Variants in RTRAF observed in about 807,000 individuals in gnomAD.
The protein encoded by RTRAF is RNA transcription, translation and transport factor.
RTRAF carries 14 observed loss-of-function variants against 34.4 expected under a neutral mutation model. The ratio of observed to expected loss-of-function variants is 0.41; its 90% CI spans 0.27 to 0.64. The LOEUF is 0.64. RTRAF is among the 30% of genes least tolerant of loss of function. The pLI is 0.34. For missense variants in RTRAF, 291 were observed against 288.4 expected, an observed-to-expected ratio of 1.01 and a Z score of -0.06; for synonymous variants, 96 against 95.3, an observed-to-expected ratio of 1.01 and a Z score of -0.04.
At position 52,006,672 on chromosome 14, in the gene RTRAF, AAG is replaced by A; in HGVS notation, c.*2157_*2158del. On this transcript the variant is annotated 3_prime_UTR_variant, in exon 8 of 8. Transcript: ENST00000261700. ...CAGTTTTTTGGTTCCTTTTAAAACAAAGGGGGAAAATGAGGTCCTTCAGCTGC... is the reference window on the plus strand; with the variant it reads ...CAGTTTTTTGGTTCCTTTTAAAACAAGGGGAAAATGAGGTCCTTCAGCTGC... 2 of 1,613,050 alleles carry A rather than the reference AAG, an allele frequency of 1.2e-6. No homozygotes were observed. Among genetic ancestry groups the A allele is most frequent in the African/African-American group, 1.3e-5 (1 of 75,012 alleles).
rs1296960931 is a variant in RTRAF at position 52,010,626 on chromosome 14, A to G, written c.*6110A>G. The G allele has an allele frequency of 5.3e-6, 2 of 377,312 alleles. No individual in the cohort carries two copies. The highest frequency in any genetic ancestry group is 8.6e-5 in the East Asian group (2 of 23,356). 23.4% of individuals were successfully genotyped at this position (377,312 alleles called of 1,614,324 possible). A position where few individuals can be genotyped will look rare whatever the true frequency, so the allele number is the denominator to read the frequency against. ...ACACTATCTGAATTTTCTACATATC[A>G]CATCACAGACTAATATTGTTTATAC... On this transcript the variant is annotated 3_prime_UTR_variant, in exon 8 of 8. Coordinates refer to ENST00000261700, the MANE Select transcript of RTRAF (RefSeq NM_016039.3).
rs1890606016 is a variant in RTRAF at position 52,001,848 on chromosome 14, G to A, written c.513G>A (p.Lys171=). ...QERLTQDAVA[K]ANQTKEGLPV... is the part of the protein sequence containing the mutation. The stretch of plus-strand genomic sequence containing the variant: ...GCCTGACACAGGATGCAGTTGCTAA[G>A]GCAAATCAAACAAAAGAGGTACGTT... Residue 171 remains lysine (K), a synonymous_variant, in exon 6 of 8, where the codon AAG becomes AAA. Coordinates refer to ENST00000261700, the MANE Select transcript of RTRAF (RefSeq NM_016039.3). The A allele has an allele frequency of 6.2e-7, 1 of 1,609,472 alleles. No individual in the cohort carries two copies. The highest frequency in any genetic ancestry group is 1.7e-5 in the Admixed American group (1 of 58,192).
In RTRAF at chr14:52,009,336, T is replaced by C. The variant is rs2140343137; in HGVS notation, c.*4820T>C. Reference sequence around the variant, plus strand: ...TAAGTCTGAAACAAGCTCACACAGATATTTGGTGTAAATTATTTGGGGATT... The same window carrying C: ...TAAGTCTGAAACAAGCTCACACAGACATTTGGTGTAAATTATTTGGGGATT... On this transcript the variant is annotated 3_prime_UTR_variant, in exon 8 of 8. Coordinates refer to ENST00000261700, the MANE Select transcript of RTRAF (RefSeq NM_016039.3). 6.6e-6 allele frequency: 1 copy of C among 152,330 alleles called. No individual in the cohort carries two copies. Among genetic ancestry groups the C allele is most frequent in the South Asian group, 2.1e-4 (1 of 4,824 alleles). The allele number at this position is 152,330 out of a possible 1,614,324, so 9.4% of individuals were successfully genotyped here.
intron 4 of RTRAF, 170 bp from the exon 5 acceptor site, chr14:51,999,538 A>T: frequency 3.9e-6 from 2 of 509,044 alleles, no homozygotes; most frequent in Non-Finnish European, 7.0e-6. Context: ...AATTTATTTA[A>T]TTGTTGATAG....
At chr14:52,003,840 G>A (rs1890654291) in intron 6 of RTRAF, among the ~76,000 whole-genome samples, 1 of 152,192 alleles carries the variant, frequency 6.6e-6, no homozygotes, top group Non-Finnish European at 1.5e-5. Flanking sequence ...GTTGCTTACT[G>A]TCGCCAAAAT....
rs1566735140 is a variant in RTRAF, at chr14:52,004,216, A to G, written c.554A>G (p.Lys185Arg). Reference protein sequence around the residue: ...TKEGLPVALDKHILGFDTGDA... With the variant: ...TKEGLPVALDRHILGFDTGDA... ...AAGGGCTTACCTGTTGCTTTAGACA[A>G]ACATATTCTTGGTTTTGACACAGGA... The change falls in exon 7 of 8, where the codon AAA becomes AGA. Residue 185 changes from lysine (K) to arginine (R), a missense_variant. Physicochemically the swap from Lys to Arg is conservative, Grantham distance 26. Transcript: ENST00000261700. 2 of 1,613,528 alleles carry G rather than the reference A, an allele frequency of 1.2e-6. No individual in the cohort carries two copies. The highest frequency in any genetic ancestry group is 2.2e-5 in the East Asian group (1 of 44,852).
In RTRAF at chr14:51,991,449, A is replaced by G; in HGVS notation, c.186+8A>G. On this transcript the variant is annotated splice_region_variant and intron_variant, in intron 2 of 7. Transcript: ENST00000261700. Reference sequence around the variant, plus strand: ...CCCAAGTTCTTTGAAAAGGTAATGAATTAGGAAGTAAAGTAAAAATACAGA... The same window carrying G: ...CCCAAGTTCTTTGAAAAGGTAATGAGTTAGGAAGTAAAGTAAAAATACAGA... 1 of 1,605,380 alleles carries G rather than the reference A, an allele frequency of 6.2e-7. No homozygotes were observed. The highest frequency in any genetic ancestry group is 2.2e-5 in the East Asian group (1 of 44,790).
Position 52,005,838 on chromosome 14 carries a change from A to T in RTRAF, c.*1322A>T. ...CTGGCCACTATGTTTATTTACTGAT[A>T]CAACACCATCCCTGGTAACAGAAAG... On this transcript the variant is annotated 3_prime_UTR_variant, in exon 8 of 8. Transcript: ENST00000261700. The T allele has an allele frequency of 6.2e-7, 1 of 1,608,268 alleles. No individual in the cohort carries two copies. Among genetic ancestry groups the T allele is most frequent in the Non-Finnish European group, 8.5e-7 (1 of 1,174,648 alleles).
Position 52,006,700 on chromosome 14 carries a change from T to C in RTRAF, c.*2184T>C, listed in dbSNP as rs773846599. 3.1e-6 allele frequency: 5 copies of C among 1,609,228 alleles called. No individual in the cohort carries two copies. The East Asian group carries it at 6.7e-5, about 22-fold the overall frequency. ...GGGGAAAATGAGGTCCTTCAGCTGC[T>C]TTGCCAAAAATGATAGTGACATAGT... On this transcript the variant is annotated 3_prime_UTR_variant, in exon 8 of 8. Transcript: ENST00000261700.
At position 51,991,411 on chromosome 14, in the gene RTRAF, C is replaced by G. The variant is rs1172374947; in HGVS notation, c.156C>G (p.His52Gln). Residue 52 changes from histidine to glutamine, a missense_variant, in exon 2 of 8, where the codon CAC becomes CAG. His to Gln is a conservative substitution (Grantham distance 24). Coordinates refer to ENST00000261700, the MANE Select transcript of RTRAF (RefSeq NM_016039.3). ...ACAGAGGGAATTTAAGAAACATCCACAGCAGCGACTGGCCCAAGTTCTTTG... is the reference window on the plus strand; with the variant it reads ...ACAGAGGGAATTTAAGAAACATCCAGAGCAGCGACTGGCCCAAGTTCTTTG... ...IEDRGNLRNI[H>Q]SSDWPKFFEK... is the part of the protein sequence containing the mutation. 2.5e-6 allele frequency: 4 copies of G among 1,613,452 alleles called. No individual in the cohort carries two copies. Among genetic ancestry groups the G allele is most frequent in the South Asian group, 2.2e-5 (2 of 91,022 alleles).
At chr14:51,994,382 T>G (rs990730687) in intron 3 of RTRAF, among the ~76,000 whole-genome samples, 1 of 152,222 alleles carries the variant, frequency 6.6e-6, no homozygotes, top group Non-Finnish European at 1.5e-5. Context: ...TTTGATTATC[T>G]TATCTGCATC....
At chr14:51,999,847 G>A in intron 5 of RTRAF, 51 bp downstream of exon 5, 1 of 1,309,120 alleles carries the variant, frequency 7.6e-7, no homozygotes, top group South Asian at 1.3e-5. Context: ...ATAGAAAAAT[G>A]TCTTTATTTT....
At chr14:51,997,742 A>G (rs1378114616) in intron 3 of RTRAF, among the ~76,000 whole-genome samples, 3 of 151,068 alleles carry the variant, frequency 2.0e-5, no homozygotes, top group African/African-American at 7.3e-5. Flanking sequence ...GGGGAAAGCA[A>G]GGTTTTTGGA....
At chr14:51,997,670 A>C (rs555060252) in intron 3 of RTRAF, among the ~76,000 whole-genome samples, 2 of 151,878 alleles carry the variant, frequency 1.3e-5, no homozygotes, top group African/African-American at 4.8e-5. Context: ...CTGAATTTCA[A>C]GTTTCCATGA....
intron 3 of RTRAF, among the ~76,000 whole-genome samples, chr14:51,994,948 C>G (rs987920722): frequency 6.6e-6 from 1 of 151,852 alleles, no homozygotes; most frequent in African/African-American, 2.4e-5. Context: ...ACATCTAAAT[C>G]CTACCCATCT....
At position 52,005,274 on chromosome 14, in the gene RTRAF, G is replaced by T. The variant is rs1317829148; in HGVS notation, c.*758G>T. 6 of 401,830 alleles carry T rather than the reference G, an allele frequency of 1.5e-5. No individual in the cohort carries two copies. The Admixed American group carries it at 2.5e-4, about 17-fold the overall frequency. 24.9% of individuals were successfully genotyped at this position (401,830 alleles called of 1,614,324 possible). A position where few individuals can be genotyped will look rare whatever the true frequency, so the allele number is the denominator to read the frequency against. ...AAAATTCTGTTACCTTTTTAAACTT[G>T]CAATAACAACCTTCATTTTTAAAAA... On this transcript the variant is annotated 3_prime_UTR_variant, in exon 8 of 8. Transcript: ENST00000261700.
Position 52,009,812 on chromosome 14 carries a change from C to T in RTRAF, c.*5296C>T, listed in dbSNP as rs1170591910. 6.6e-6 allele frequency: 1 copy of T among 152,268 alleles called. No homozygotes were observed. The highest frequency in any genetic ancestry group is 1.5e-5 in the Non-Finnish European group (1 of 68,222). The allele number at this position is 152,268 out of a possible 1,614,324, so 9.4% of individuals were successfully genotyped here. ...GGAGTTGGAGACCAAAATGGCGAAA[C>T]CCTGTCTCGACTAAAAATACAAAAA... On this transcript the variant is annotated 3_prime_UTR_variant, in exon 8 of 8. Coordinates refer to ENST00000261700, the MANE Select transcript of RTRAF (RefSeq NM_016039.3).
In RTRAF at chr14:52,004,467, T is replaced by G; in HGVS notation, c.686T>G (p.Ile229Ser). The change falls in exon 8 of 8, where the codon ATT becomes AGT. Residue 229 changes from isoleucine to serine, a missense_variant. Physicochemically the swap from Ile to Ser is moderately radical, Grantham distance 142 (BLOSUM62 -2). Transcript: ENST00000261700. ...GAAGCCATAGTAGCTGTTCAGGCAATTATTGCTGATCCAAAGACAGACCAC... is the reference window on the plus strand; with the variant it reads ...GAAGCCATAGTAGCTGTTCAGGCAAGTATTGCTGATCCAAAGACAGACCAC... ...INEAIVAVQAIIADPKTDHRL... is the reference protein window; with the variant it reads ...INEAIVAVQASIADPKTDHRL... 1 of 1,613,974 alleles carries G rather than the reference T, an allele frequency of 6.2e-7. No individual in the cohort carries two copies. Among genetic ancestry groups the G allele is most frequent in the Non-Finnish European group, 8.5e-7 (1 of 1,179,914 alleles).
At chr14:52,000,031 G>A (rs1376967998) in intron 5 of RTRAF, among the ~76,000 whole-genome samples, 1 of 152,040 alleles carries the variant, frequency 6.6e-6, no homozygotes, top group East Asian at 1.9e-4. Context: ...CAATCCTAGA[G>A]ACAGCTGCTA....
Sources: gnomAD v4.1 joint callset for allele counts (sites outside exome capture counted in the v4.1 genomes callset) on GRCh38, gnomAD v4.1.1 for gene constraint, MANE v1.5 for transcripts, NCBI Gene and HGNC (gene_info 2026-07-23, HGNC 2026-07-21) for gene names.